Variants in ADCY1 observed in about 807,000 individuals in gnomAD.
The protein encoded by ADCY1 is adenylate cyclase type 1.
ADCY1 carries 28 observed loss-of-function variants against 105.4 expected under a neutral mutation model. That is an observed-to-expected ratio of 0.27 (90% confidence interval 0.20 to 0.36). The LOEUF is 0.36. ADCY1 is among the 10% of genes least tolerant of loss of function. The pLI, the probability that ADCY1 is intolerant of heterozygous loss-of-function variation, is 1.00. For missense variants in ADCY1, 977 were observed against 1,434.2 expected (o/e 0.68, Z 5.15); for synonymous variants, 655 against 623.8 (o/e 1.05, Z -0.75).
chr7:45,574,668 G>C lies in ADCY1; in HGVS notation c.125G>C (p.Cys42Ser). ...CGGGCGTGCGACGAGGAGTTCGCTTGCCCAGAGCTGGAGGCGCTGTTCCGC... is the reference window on the plus strand; with the variant it reads ...CGGGCGTGCGACGAGGAGTTCGCTTCCCCAGAGCTGGAGGCGCTGTTCCGC... ...GLRACDEEFA[C>S]PELEALFRGY... Residue 42 changes from cysteine to serine, a missense_variant, in exon 1 of 20, where the codon TGC becomes TCC. Around this residue, in one of 7 missense-constraint regions of ADCY1, gnomAD observed 209 missense variants for 222.5 expected, o/e 0.94. Coordinates refer to ENST00000297323, the MANE Select transcript of ADCY1 (RefSeq NM_021116.4). The surrounding 1 kb of genome is among the most constrained non-coding windows in gnomAD (Gnocchi z 7.0). The C allele has an allele frequency of 7.3e-7, 1 of 1,361,876 alleles. No individual in the cohort carries two copies. Among genetic ancestry groups the C allele is most frequent in the South Asian group, 1.7e-5 (1 of 57,208 alleles). 84.4% of individuals were successfully genotyped at this position (1,361,876 alleles called of 1,614,324 possible).
chr7:45,676,205 T>G (rs1784453806), intron 8 of ADCY1, among the ~76,000 whole-genome samples: 1 of 152,182 alleles, frequency 6.6e-6, no homozygotes, highest in South Asian at 2.1e-4. Flanking sequence ...TTTTCAGGTC[T>G]GTAATTTTTA....
chr7:45,595,395 T>C (rs1292215249), intron 2 of ADCY1, among the ~76,000 whole-genome samples: 7 of 152,202 alleles, frequency 4.6e-5, no homozygotes, highest in South Asian at 2.1e-4. Context: ...CTTCTGCCTA[T>C]TGGTTTCCAA....
At chr7:45,672,519 C>T (rs546668302) in intron 8 of ADCY1, among the ~76,000 whole-genome samples, 83 of 151,966 alleles carry the variant, frequency 5.5e-4, no homozygotes, top group African/African-American at 1.9e-3. Flanking sequence ...GCATACGAGA[C>T]CTCGCTGTGT....
At chr7:45,634,824 CATTATCCTTATTTATTG>C (rs1794355397) in intron 4 of ADCY1, among the ~76,000 whole-genome samples, 1 of 152,126 alleles carries the variant, frequency 6.6e-6, no homozygotes, top group Non-Finnish European at 1.5e-5. Flanking sequence ...ATTTGTATTG[CATTATCCTTATTTATTG>C]TTGGCTTTGC....
At position 45,647,156 on chromosome 7, in the gene ADCY1, A is replaced by C. The variant is rs1352495379; in HGVS notation, c.1021-1514A>C. ...GCAACGCCAGGCCTGAGGGCAGCTC[A>C]GGACAACAGCAGGGTCATCAGCTGT... On this transcript the variant is annotated intron_variant, in intron 4 of 19. Transcript: ENST00000297323. This position sits in a 1 kb window ranked among gnomAD's most constrained non-coding sequence, Gnocchi z 4.6. Among the ~76,000 whole-genome samples, 1 of 152,254 alleles carries C rather than the reference A, an allele frequency of 6.6e-6. No individual in the cohort carries two copies. The highest frequency in any genetic ancestry group is 1.5e-5 in the Non-Finnish European group (1 of 68,042).
At chr7:45,682,156 A>T (rs1784570901) in intron 11 of ADCY1, among the ~76,000 whole-genome samples, 1 of 152,202 alleles carries the variant, frequency 6.6e-6, no homozygotes, top group Admixed American at 6.5e-5. Flanking sequence ...AGCCTGGCAC[A>T]GCACACGCTC....
chr7:45,624,763 C>T (rs1794004240), intron 4 of ADCY1, among the ~76,000 whole-genome samples: 2 of 152,186 alleles, frequency 1.3e-5, no homozygotes, highest in African/African-American at 2.4e-5. Flanking sequence ...CCTTGCTTCC[C>T]ACCCCTTCAG....
rs750611358 is a variant in ADCY1, at chr7:45,686,009, G to A, written c.2121G>A (p.Leu707=). 1 of 1,614,030 alleles carries A rather than the reference G, an allele frequency of 6.2e-7. No individual in the cohort carries two copies. Among genetic ancestry groups the A allele is most frequent in the Non-Finnish European group, 8.5e-7 (1 of 1,180,006 alleles). Residue 707 remains leucine (L), a synonymous_variant, in exon 13 of 20, where the codon CTG becomes CTA. Transcript: ENST00000297323. This position sits in a 1 kb window ranked among gnomAD's most constrained non-coding sequence, Gnocchi z 4.3. ...WAWSSKPNSS[L]VVLSSGGQRT... ...GGAGCTCCAAGCCCAACAGTTCCCT[G>A]GTGGTCCTTTCGTCTGGGGGCCAGC...
rs114451212 is a variant in ADCY1 at position 45,699,392 on chromosome 7, C to T, written c.2455-3984C>T. On this transcript the variant is annotated intron_variant, in intron 14 of 19. Coordinates refer to ENST00000297323, the MANE Select transcript of ADCY1 (RefSeq NM_021116.4). ...AAGCTGACATGTATAGTAGTGAGTC[C>T]CCCATCTCTGTGAGGTGTTCAAGGA... Among the ~76,000 whole-genome samples, 589 of 152,210 alleles carry T rather than the reference C, an allele frequency of 3.9e-3. 4 individuals are homozygous for T. The highest frequency in any genetic ancestry group is 0.013 in the African/African-American group (558 of 41,530).
intron 4 of ADCY1, among the ~76,000 whole-genome samples, chr7:45,630,998 T>C (rs1378948919): frequency 6.6e-6 from 1 of 152,194 alleles, no homozygotes; most frequent in Non-Finnish European, 1.5e-5. Context: ...TAAATATGAC[T>C]ATTTTGGTTG....
At chr7:45,615,208 G>T (rs561856383) in intron 3 of ADCY1, among the ~76,000 whole-genome samples, 1 of 152,242 alleles carries the variant, frequency 6.6e-6, no homozygotes, top group African/African-American at 2.4e-5. Context: ...GAAATTAATG[G>T]CAGAAAGAAA....
intron 5 of ADCY1, among the ~76,000 whole-genome samples, chr7:45,651,763 A>G (rs1273851222): frequency 6.6e-6 from 1 of 152,126 alleles, no homozygotes; most frequent in Non-Finnish European, 1.5e-5. Context: ...TCCTCTTTTA[A>G]TAGAGTCCTC....
At chr7:45,624,582 C>G (rs1009197215) in intron 4 of ADCY1, among the ~76,000 whole-genome samples, 1 of 152,132 alleles carries the variant, frequency 6.6e-6, no homozygotes, top group African/African-American at 2.4e-5. Flanking sequence ...GCAGTCACAC[C>G]CCATTGATAG....
intron 11 of ADCY1, among the ~76,000 whole-genome samples, chr7:45,681,221 C>T (rs1229889009): frequency 1.3e-5 from 2 of 152,196 alleles, no homozygotes; most frequent in Non-Finnish European, 2.9e-5. Context: ...CCCAGAATTA[C>T]CCCCCTTTTG....
Position 45,708,582 on chromosome 7 carries a change from A to G in ADCY1, c.2932+118A>G, listed in dbSNP as rs1785167449. On this transcript the variant is annotated intron_variant, in intron 18 of 19. Transcript: ENST00000297323. The surrounding 1 kb of genome is among the most constrained non-coding windows in gnomAD (Gnocchi z 4.7). ...TACAGGAAGGAGGGTGGTGCCACCC[A>G]GGAGGGCATGGGGACCTGTGTACCG... 2.7e-6 allele frequency: 2 copies of G among 744,970 alleles called. No homozygotes were observed. The highest frequency in any genetic ancestry group is 2.3e-5 in the Admixed American group (1 of 43,402). The allele number at this position is 744,970 out of a possible 1,614,324, so 46.1% of individuals were successfully genotyped here.
At chr7:45,622,925 C>A (rs1031626109) in intron 4 of ADCY1, among the ~76,000 whole-genome samples, 182 bp downstream of exon 4, 2 of 152,152 alleles carry the variant, frequency 1.3e-5, no homozygotes, top group African/African-American at 4.8e-5. Context: ...TTCCTTGAAC[C>A]GGAGCCTTGC....
Position 45,643,956 on chromosome 7 carries a change from T to A in ADCY1, c.1021-4714T>A, listed in dbSNP as rs549299731. 5.3e-5 allele frequency among the ~76,000 whole-genome samples: 8 copies of A among 152,290 alleles called. No homozygotes were observed. In the East Asian group the frequency reaches 1.5e-3, roughly 29 times the overall value. ...GTTGATGAACAGGTGTCTGCAGAGT[T>A]CTTGTGTTTCAGCTCTTCTGCGCTA... On this transcript the variant is annotated intron_variant, in intron 4 of 19. Transcript: ENST00000297323.
In ADCY1 at chr7:45,574,549, G is replaced by T; in HGVS notation, c.6G>T (p.Ala2=). The change falls in exon 1 of 20, where the codon GCG becomes GCT. Residue 2 remains alanine, a synonymous_variant. Coordinates refer to ENST00000297323, the MANE Select transcript of ADCY1 (RefSeq NM_021116.4). This position sits in a 1 kb window ranked among gnomAD's most constrained non-coding sequence, Gnocchi z 7.0. Reference sequence around the variant, plus strand: ...GGCCGCTGCATGGCGCTGAGATGGCGGGGGCGCCGCGCGGCGGAGGCGGCG... The same window carrying T: ...GGCCGCTGCATGGCGCTGAGATGGCTGGGGCGCCGCGCGGCGGAGGCGGCG... M[A]GAPRGGGGGG... 4 of 977,258 alleles carry T rather than the reference G, an allele frequency of 4.1e-6. No homozygotes were observed. Among genetic ancestry groups the T allele is most frequent in the South Asian group, 4.7e-5 (1 of 21,494 alleles). The allele number at this position is 977,258 out of a possible 1,614,324, so 60.5% of individuals were successfully genotyped here. A position where few individuals can be genotyped will look rare whatever the true frequency, so the allele number is the denominator to read the frequency against.
intron 8 of ADCY1, among the ~76,000 whole-genome samples, chr7:45,671,812 C>T (rs1240982218): frequency 1.3e-5 from 2 of 152,024 alleles, no homozygotes; most frequent in East Asian, 3.9e-4. Context: ...TTTGAGAGTT[C>T]ATGGTATATT....
Sources: gnomAD v4.1 joint callset for allele counts (sites outside exome capture counted in the v4.1 genomes callset) on GRCh38, gnomAD v4.1.1 for gene constraint, gnomAD v4.1.1 regional missense constraint, Gnocchi (gnomAD v3.1) non-coding constraint, MANE v1.5 for transcripts, NCBI Gene and HGNC (gene_info 2026-07-23, HGNC 2026-07-21) for gene names.